The following WDR72 variants were observed in gnomAD, a reference collection of about 807,000 sequenced individuals.
WDR72 encodes WD repeat-containing protein 72.
WDR72 carries 120 observed loss-of-function variants against 124.2 expected under a neutral mutation model. The ratio of observed to expected loss-of-function variants is 0.97; its 90% confidence interval spans 0.83 to 1.12. The LOEUF (loss-of-function observed/expected upper bound fraction) is 1.12, where lower values mean the gene tolerates loss of function less well. WDR72 is among the 50% of genes most tolerant of loss of function. The pLI, the probability that WDR72 is intolerant of heterozygous loss-of-function variation, is 0.00. For missense variants in WDR72, 1,387 were observed against 1,278.8 expected, an observed-to-expected ratio of 1.08 and a Z score of -1.29; for synonymous variants, 452 against 441.7, an observed-to-expected ratio of 1.02 and a Z score of -0.29.
At chr15:53,714,603 C>A in intron 5 of WDR72, 93 bp from the exon 6 acceptor site, 1 of 959,242 alleles carries the variant, frequency 1.0e-6, no homozygotes, top group Non-Finnish European at 1.6e-6. Context: ...TTACGCAGGG[C>A]TGTGTAGATA....
chr15:53,646,044 G>A (rs1252597462), intron 14 of WDR72, among the ~76,000 whole-genome samples: 4 of 152,084 alleles, frequency 2.6e-5, no homozygotes, highest in African/African-American at 9.7e-5. Context: ...GTGATGATGT[G>A]GCTTCTTAAA....
At chr15:53,566,555 G>A (rs1022585720) in intron 18 of WDR72, among the ~76,000 whole-genome samples, 2 of 151,876 alleles carry the variant, frequency 1.3e-5, no homozygotes, top group East Asian at 3.9e-4. Context: ...CTAGTCTGGG[G>A]AATATATGGG....
intron 1 of WDR72, among the ~76,000 whole-genome samples, chr15:53,734,741 T>C (rs900561094): frequency 5.3e-5 from 8 of 150,652 alleles, no homozygotes; most frequent in African/African-American, 1.7e-4. Context: ...CCCAGGAAGA[T>C]AAGAAAGAGT....
At chr15:53,731,757 C>T (rs907702800) in intron 2 of WDR72, among the ~76,000 whole-genome samples, 6 of 151,994 alleles carry the variant, frequency 3.9e-5, no homozygotes, top group African/African-American at 1.4e-4. Flanking sequence ...TCCTGGGCAG[C>T]CAGCACCAGG....
intron 14 of WDR72, among the ~76,000 whole-genome samples, chr15:53,649,244 A>C (rs546596150): frequency 1.3e-5 from 2 of 152,138 alleles, no homozygotes; most frequent in African/African-American, 2.4e-5. Flanking sequence ...TTGGTTTTGC[A>C]TTACCAACGC....
chr15:53,748,880 A>G (rs2018707291), intron 1 of WDR72, among the ~76,000 whole-genome samples: 1 of 152,074 alleles, frequency 6.6e-6, no homozygotes, highest in East Asian at 1.9e-4. Context: ...GCCTTTGTTT[A>G]CATATATTTA....
At chr15:53,631,928 A>G (rs920611549) in intron 14 of WDR72, among the ~76,000 whole-genome samples, 4 of 152,322 alleles carry the variant, frequency 2.6e-5, no homozygotes, top group African/African-American at 9.6e-5. Context: ...CTTATATGTA[A>G]AAGAGAAGTA....
chr15:53,581,068 CTT>C (rs1555410328), intron 18 of WDR72, among the ~76,000 whole-genome samples: 5 of 151,824 alleles, frequency 3.3e-5, no homozygotes, highest in Non-Finnish European at 7.4e-5. Context: ...CATTGACTGA[CTT>C]ATGCTCTCAA....
chr15:53,546,821 A>T (rs1159123393), intron 18 of WDR72, among the ~76,000 whole-genome samples: 4 of 152,220 alleles, frequency 2.6e-5, no homozygotes, highest in African/African-American at 9.6e-5. Context: ...AATGACTATC[A>T]GTAGAGAGGA....
At chr15:53,682,451 T>C (rs143804888) in intron 13 of WDR72, among the ~76,000 whole-genome samples, 15 of 152,306 alleles carry the variant, frequency 9.8e-5, no homozygotes, top group African/African-American at 3.4e-4. Context: ...GCAGTATTAA[T>C]TGTTTATTTA....
intron 14 of WDR72, chr15:53,652,018 GTTTTTAT>G (rs1393083709): frequency 1.3e-5 from 2 of 152,136 alleles, no homozygotes; most frequent in Admixed American, 1.3e-4. Flanking sequence ...TGTAGCATCT[GTTTTTAT>G]CAGTTTAATA....
Position 53,705,930 on chromosome 15 carries a change from T to C in WDR72, c.1099A>G (p.Arg367Gly). ...VPVSKFDGSP[R>G]EIPVTATWTL... ...CTAGAAAAGGAAACTGACTTACCTC[T>C]AGGAGAACCATCAAACTTGGATACA... Residue 367 changes from arginine (R) to glycine (G), a missense_variant, in exon 10 of 20, where the codon AGA (arginine) becomes GGA (glycine). Transcript: ENST00000360509. 2 of 1,614,074 alleles carry C rather than the reference T, an allele frequency of 1.2e-6. No individual in the cohort carries two copies. The highest frequency in any genetic ancestry group is 1.7e-6 in the Non-Finnish European group (2 of 1,179,988).
chr15:53,685,718 A>C (rs1205117295), intron 13 of WDR72, among the ~76,000 whole-genome samples: 1 of 151,412 alleles, frequency 6.6e-6, no homozygotes, highest in East Asian at 2.0e-4. Flanking sequence ...GAACACCGCA[A>C]AGATACTCCT....
chr15:53,630,429 A>G (rs898360274), intron 14 of WDR72, among the ~76,000 whole-genome samples: 2 of 152,166 alleles, frequency 1.3e-5, no homozygotes, highest in South Asian at 2.1e-4. Context: ...GTACAGACCA[A>G]TAACCCTTAT....
At chr15:53,670,314 C>G (rs765410827) in intron 13 of WDR72, among the ~76,000 whole-genome samples, 1 of 152,156 alleles carries the variant, frequency 6.6e-6, no homozygotes, top group African/African-American at 2.4e-5. Context: ...TCCAAAGTTG[C>G]GTAGTTTCCA....
chr15:53,659,067 A>G (rs530698942), intron 14 of WDR72, among the ~76,000 whole-genome samples: 1 of 152,172 alleles, frequency 6.6e-6, no homozygotes, highest in Non-Finnish European at 1.5e-5. Flanking sequence ...ACACTATTCA[A>G]ATGGCACTTT....
intron 18 of WDR72, among the ~76,000 whole-genome samples, chr15:53,536,172 G>A (rs1479762746): frequency 6.6e-6 from 1 of 151,670 alleles, no homozygotes; most frequent in African/African-American, 2.4e-5. Context: ...CCATCACCAG[G>A]ACAAATCAGA....
At chr15:53,619,738 CA>C (rs1225224475) in intron 14 of WDR72, among the ~76,000 whole-genome samples, 2 of 152,026 alleles carry the variant, frequency 1.3e-5, no homozygotes, top group Non-Finnish European at 2.9e-5. Flanking sequence ...CGAGGATTAG[CA>C]AATGCTCTTT....
intron 14 of WDR72, among the ~76,000 whole-genome samples, chr15:53,654,461 A>G (rs997400371): frequency 6.6e-6 from 1 of 152,220 alleles, no homozygotes. Context: ...CTGATAAAAT[A>G]TAATAACTCA....
Sources: gnomAD v4.1 joint callset for allele counts (sites outside exome capture counted in the v4.1 genomes callset) on GRCh38, gnomAD v4.1.1 for gene constraint, MANE v1.5 for transcripts, NCBI Gene and HGNC (gene_info 2026-07-23, HGNC 2026-07-21) for gene names.